PON3: variants seen among roughly 807,000 people sequenced by gnomAD.
The protein encoded by PON3 is serum paraoxonase/lactonase 3.
PON3 carries 37 observed loss-of-function variants against 36.3 expected under a neutral mutation model. That is an observed-to-expected ratio of 1.02 (90% CI 0.78 to 1.34). The LOEUF is 1.34. Ranked by LOEUF, PON3 falls within the 40% of genes most tolerant of loss-of-function variation. PON3 has a pLI of 0.00. For missense variants in PON3, 415 were observed against 426.5 expected (o/e 0.97, Z 0.24); for synonymous variants, 155 against 154.8 (o/e 1.00, Z -0.01).
In PON3 at chr7:95,396,333, C is replaced by T; in HGVS notation, c.18G>A (p.Ala6=). 17 of 1,614,032 alleles carry T rather than the reference C, an allele frequency of 1.1e-5. No individual in the cohort carries two copies. Among genetic ancestry groups the T allele is most frequent in the Non-Finnish European group, 1.4e-5 (17 of 1,179,978 alleles). MGKLV[A]LVLLGVGLSL... is the part of the protein sequence containing the mutation. The stretch of plus-strand genomic sequence containing the variant: ...ACAGGCCGACCCCCAGCAGGACCAG[C>T]GCCACGAGCTTCCCCATGGTCTCGG... Residue 6 remains alanine (A), a synonymous_variant, in exon 1 of 9, where the codon GCG becomes GCA. Coordinates refer to ENST00000265627, the MANE Select transcript of PON3 (RefSeq NM_000940.3).
Position 95,378,050 on chromosome 7 carries a change from G to C in PON3, c.202-5712C>G, listed in dbSNP as rs1282685626. Among the ~76,000 whole-genome samples the C allele has an allele frequency of 4.6e-5, 7 of 152,270 alleles. No homozygotes were observed. The South Asian group carries it at 8.3e-4, about 18-fold the overall frequency. ...ATGGATAACTAGAATAAGCAGTGTA[G>C]AGAAGACCTTAAATGACCAGATGGA... On this transcript the variant is annotated intron_variant, in intron 3 of 8. Transcript: ENST00000265627.
chr7:95,388,081 T>C (rs889612639), intron 3 of PON3, among the ~76,000 whole-genome samples: 1 of 151,772 alleles, frequency 6.6e-6, no homozygotes, highest in African/African-American at 2.4e-5. Context: ...GGGCAAAGAC[T>C]TCACAAATGG....
In PON3 at chr7:95,388,544, G is replaced by T. The variant is rs1352957307; in HGVS notation, c.201+1610C>A. ...AAGACCGTGTGGCAGTTCCTCAAGG[G>T]TCTAGCACTAGAAATACCACTTGAT... On this transcript the variant is annotated intron_variant, in intron 3 of 8. Transcript: ENST00000265627. 2.6e-5 allele frequency among the ~76,000 whole-genome samples: 4 copies of T among 152,102 alleles called. No individual in the cohort carries two copies. The East Asian group carries it at 5.8e-4, about 22-fold the overall frequency.
At chr7:95,372,766 G>T (rs976006023) in intron 3 of PON3, among the ~76,000 whole-genome samples, 1 of 152,144 alleles carries the variant, frequency 6.6e-6, no homozygotes, top group Admixed American at 6.5e-5. Flanking sequence ...GAGAGAAGGG[G>T]TGTATAGTTT....
At chr7:95,387,786 T>C (rs1809230623) in intron 3 of PON3, among the ~76,000 whole-genome samples, 1 of 152,126 alleles carries the variant, frequency 6.6e-6, no homozygotes, top group Non-Finnish European at 1.5e-5. Context: ...AAAACAGATA[T>C]ATAGACCTAT....
chr7:95,366,930 T>G (rs1176302492), intron 5 of PON3, among the ~76,000 whole-genome samples: 1 of 152,260 alleles, frequency 6.6e-6, no homozygotes, highest in African/African-American at 2.4e-5. Context: ...TAAAAAATTC[T>G]ACTTTAAAGC....
At position 95,362,128 on chromosome 7, in the gene PON3, C is replaced by A. The variant is rs17883761; in HGVS notation, c.906+234G>T. ...GGCAATCTGGGTCAATATGAATAATCGAGCTTATGTTTTTCCATTATTCCC... is the reference window on the plus strand; with the variant it reads ...GGCAATCTGGGTCAATATGAATAATAGAGCTTATGTTTTTCCATTATTCCC... On this transcript the variant is annotated intron_variant, in intron 8 of 8. Coordinates refer to ENST00000265627, the MANE Select transcript of PON3 (RefSeq NM_000940.3). Among the ~76,000 whole-genome samples, 3 of 152,238 alleles carry A rather than the reference C, an allele frequency of 2.0e-5. No individual in the cohort carries two copies. The South Asian group carries it at 6.2e-4, about 32-fold the overall frequency.
rs749309125 is a variant in PON3, at chr7:95,363,935, C to T, written c.623G>A (p.Ser208Asn). 6.2e-7 allele frequency: 1 copy of T among 1,613,868 alleles called. No individual in the cohort carries two copies. Among genetic ancestry groups the T allele is most frequent in the Non-Finnish European group, 8.5e-7 (1 of 1,179,802 alleles). The change falls in exon 6 of 9, where the codon AGC (serine) becomes AAC (asparagine). Residue 208 changes from serine to asparagine, a missense_variant. Transcript: ENST00000265627. ...GGCCACCACTTTAACCTCCCTTGGG[C>T]TGTAGAAAAGAACATAAGTCCAGCG... ...DLRWTYVLFY[S>N]PREVKVVAKG...
At chr7:95,361,565 T>C (rs1808570279) in intron 8 of PON3, among the ~76,000 whole-genome samples, 2 of 152,200 alleles carry the variant, frequency 1.3e-5, no homozygotes, top group African/African-American at 2.4e-5. Flanking sequence ...AAAGTTACTA[T>C]GTAATTTACT....
At chr7:95,368,347 C>G (rs980942375) in intron 4 of PON3, among the ~76,000 whole-genome samples, 1 of 152,168 alleles carries the variant, frequency 6.6e-6, no homozygotes, top group Admixed American at 6.5e-5. Flanking sequence ...AAATTCATAA[C>G]CAGGACCTCT....
At chr7:95,371,101 A>T (rs1456252670) in intron 4 of PON3, among the ~76,000 whole-genome samples, 1 of 152,192 alleles carries the variant, frequency 6.6e-6, no homozygotes, top group African/African-American at 2.4e-5. Flanking sequence ...TACAAGCTTC[A>T]TCCATATTAT....
chr7:95,382,623 A>G lies in PON3; in HGVS notation c.201+7531T>C, dbSNP rs190888284. On this transcript the variant is annotated intron_variant, in intron 3 of 8. Transcript: ENST00000265627. ...TCTAGAAGAAATGGATAAATTCCTC[A>G]ACACATACACCCTCCCAAGACTAAA... Among the ~76,000 whole-genome samples the G allele has an allele frequency of 8.9e-4, 135 of 152,226 alleles. 1 individual carries two copies. Among genetic ancestry groups the G allele is most frequent in the Admixed American group, 8.2e-3 (125 of 15,272 alleles).
chr7:95,366,178 T>C, intron 5 of PON3, among the ~76,000 whole-genome samples: 1 of 152,200 alleles, frequency 6.6e-6, no homozygotes, highest in East Asian at 1.9e-4. Flanking sequence ...AGGCTGCACT[T>C]TCTGGGAGAC....
At chr7:95,376,144 C>T (rs1808908585) in intron 3 of PON3, among the ~76,000 whole-genome samples, 1 of 152,168 alleles carries the variant, frequency 6.6e-6, no homozygotes, top group Non-Finnish European at 1.5e-5. Context: ...CAAGAGGGAA[C>T]ATTGAAGAGG....
intron 5 of PON3, chr7:95,365,020 C>T (rs758017410): frequency 6.6e-6 from 1 of 151,954 alleles, no homozygotes; most frequent in Non-Finnish European, 1.5e-5. Flanking sequence ...AATGACTTTC[C>T]CAAGGTCACT....
At chr7:95,371,849 TTG>T (rs1028583792) in intron 4 of PON3, among the ~76,000 whole-genome samples, 134 of 152,242 alleles carry the variant, frequency 8.8e-4, no homozygotes, top group African/African-American at 2.8e-3. Context: ...CGTCTCACAG[TTG>T]TCTTTAGTGA....
chr7:95,363,838 T>C, intron 6 of PON3, 25 bp downstream of exon 6: 1 of 1,602,986 alleles, frequency 6.2e-7, no homozygotes, highest in African/African-American at 1.3e-5. Context: ...GGGCAAAGGA[T>C]AGAAAAATAC....
intron 3 of PON3, among the ~76,000 whole-genome samples, chr7:95,383,643 C>T (rs1007109582): frequency 1.3e-5 from 2 of 152,150 alleles, no homozygotes; most frequent in African/African-American, 4.8e-5. Context: ...ATCCAACTTA[C>T]AAGGGATGTG....
rs142448862 is a variant in PON3, at chr7:95,381,424, C to T, written c.201+8730G>A. On this transcript the variant is annotated intron_variant, in intron 3 of 8. Coordinates refer to ENST00000265627, the MANE Select transcript of PON3 (RefSeq NM_000940.3). ...CAGACTGGCAAATTGGATAAAGAGT[C>T]AAGACCCATCAGTATGCTGTATTCA... Among the ~76,000 whole-genome samples, 970 of 152,240 alleles carry T rather than the reference C, an allele frequency of 6.4e-3. 9 individuals carry two copies. Among genetic ancestry groups the T allele is most frequent in the African/African-American group, 0.022 (924 of 41,538 alleles).
Sources: gnomAD v4.1 joint callset for allele counts (sites outside exome capture counted in the v4.1 genomes callset) on GRCh38, gnomAD v4.1.1 for gene constraint, MANE v1.5 for transcripts, NCBI Gene and HGNC (gene_info 2026-07-23, HGNC 2026-07-21) for gene names.